Variants in AKAP6 observed in about 807,000 individuals in gnomAD.
AKAP6 encodes the protein A-kinase anchor protein 6.
In AKAP6, 58 loss-of-function variants were observed where a neutral mutation model predicts 188.5. The ratio of observed to expected loss-of-function variants is 0.31; its 90% CI spans 0.25 to 0.38. The LOEUF (loss-of-function observed/expected upper bound fraction) is 0.38, where lower values mean the gene tolerates loss of function less well. Ranked by LOEUF, AKAP6 falls within the 10% of genes least tolerant of loss-of-function variation. The pLI, the probability that AKAP6 is intolerant of heterozygous loss-of-function variation, is 1.00. For missense variants in AKAP6, 2,710 were observed against 2,740.0 expected (o/e 0.99, Z 0.24); for synonymous variants, 989 against 998.6 (o/e 0.99, Z 0.18).
At chr14:32,813,494 T>G (rs1358111483) in intron 12 of AKAP6, among the ~76,000 whole-genome samples, 1 of 145,994 alleles carries the variant, frequency 6.8e-6, no homozygotes, top group Non-Finnish European at 1.5e-5. Flanking sequence ...TGAGGCTATC[T>G]CAGGACCCTG....
chr14:32,552,239 C>A (rs73273444), intron 4 of AKAP6, among the ~76,000 whole-genome samples: 2,195 of 152,254 alleles, frequency 0.014, 54 homozygotes, highest in African/African-American at 0.05. Flanking sequence ...AGTTACAGAG[C>A]CAGGCTTCAG....
At chr14:32,372,194 G>A (rs1438146971) in intron 1 of AKAP6, among the ~76,000 whole-genome samples, 3 of 152,106 alleles carry the variant, frequency 2.0e-5, no homozygotes, top group Admixed American at 6.6e-5. Flanking sequence ...TGGGAACTGG[G>A]GAAGACTTGT....
At chr14:32,472,770 C>T (rs954794781) in intron 2 of AKAP6, among the ~76,000 whole-genome samples, 17 of 152,080 alleles carry the variant, frequency 1.1e-4, no homozygotes, top group African/African-American at 1.9e-4. Flanking sequence ...TGAAGAAAAT[C>T]GGTCTGGTCT....
rs186730937 is a variant in AKAP6 at position 32,685,656 on chromosome 14, G to A, written c.2879+7197G>A. On this transcript the variant is annotated intron_variant, in intron 8 of 13. Coordinates refer to ENST00000280979, the MANE Select transcript of AKAP6 (RefSeq NM_004274.5). ...GGAGAATGACATGAACCCTGGAGGC[G>A]GAGCTTGCAGTGAGCCAATATCCAT... 6.6e-5 allele frequency among the ~76,000 whole-genome samples: 10 copies of A among 150,700 alleles called. No individual in the cohort carries two copies. In the South Asian group the frequency reaches 1.3e-3, roughly 19 times the overall value.
Position 32,813,397 on chromosome 14 carries a change from C to A in AKAP6, c.3589-8005C>A, listed in dbSNP as rs372476459. On this transcript the variant is annotated intron_variant, in intron 12 of 13. Coordinates refer to ENST00000280979, the MANE Select transcript of AKAP6 (RefSeq NM_004274.5). ...TTTTCATCTCTAACCCTACCCCCCC[C>A]CCCAACCCCTTTCCCAGAGGTCCTT... Among the ~76,000 whole-genome samples the A allele has an allele frequency of 1.5e-4, 19 of 123,846 alleles. No homozygotes were observed. The South Asian group carries it at 1.9e-3, about 12-fold the overall frequency. 81.2% of individuals were successfully genotyped at this position (123,846 alleles called of 152,430 possible).
chr14:32,769,267 T>G (rs2300845), intron 11 of AKAP6, among the ~76,000 whole-genome samples: 1 of 151,140 alleles, frequency 6.6e-6, no homozygotes. Flanking sequence ...AGGCTGGTCT[T>G]GAACTCCTGA....
At chr14:32,674,509 G>C (rs992883789) in intron 7 of AKAP6, among the ~76,000 whole-genome samples, 1 of 152,136 alleles carries the variant, frequency 6.6e-6, no homozygotes, top group Non-Finnish European at 1.5e-5. Context: ...ACAACTTAGG[G>C]AATAACCTGC....
In AKAP6 at chr14:32,830,121, C is replaced by G. The variant is rs2034791065; in HGVS notation, c.*316C>G. ...ACCCTCTCTCTCCAGCTAGACTTTT[C>G]TCTTTGCCTCCTCCCTTCCCTTCCA... is the stretch of plus-strand genomic sequence containing the variant. On this transcript the variant is annotated 3_prime_UTR_variant, in exon 14 of 14. Transcript: ENST00000280979. The G allele has an allele frequency of 3.4e-6, 2 of 596,384 alleles. No homozygotes were observed. The highest frequency in any genetic ancestry group is 5.8e-5 in the East Asian group (2 of 34,208). 36.9% of individuals were successfully genotyped at this position (596,384 alleles called of 1,614,324 possible).
In AKAP6 at chr14:32,599,422, A is replaced by C; in HGVS notation, c.2482A>C (p.Asn828His). The C allele has an allele frequency of 6.2e-7, 1 of 1,612,694 alleles. No homozygotes were observed. Among genetic ancestry groups the C allele is most frequent in the Non-Finnish European group, 8.5e-7 (1 of 1,179,152 alleles). Residue 828 changes from asparagine to histidine, a missense_variant, in exon 6 of 14, where the codon AAT (asparagine) becomes CAT (histidine). This residue lies in a region of AKAP6 where 2,473 missense variants were observed against 2,426.1 expected (regional missense o/e 1.02). Coordinates refer to ENST00000280979, the MANE Select transcript of AKAP6 (RefSeq NM_004274.5). ...YLETHLSFKL[N>H]VDSHCALKEA... ...TTTTTCCTTGCAGAGTTTTAAGTTG[A>C]ATGTAGACAGTCATTGTGCTCTCAA... is the stretch of plus-strand genomic sequence containing the variant.
intron 4 of AKAP6, among the ~76,000 whole-genome samples, chr14:32,562,168 G>A (rs991735374): frequency 5.3e-5 from 8 of 151,832 alleles, no homozygotes; most frequent in Non-Finnish European, 1.0e-4. Flanking sequence ...TTACCTTCAT[G>A]TTTTGTCTAG....
chr14:32,663,820 C>T (rs1436169175), intron 7 of AKAP6, among the ~76,000 whole-genome samples: 16 of 152,146 alleles, frequency 1.1e-4, no homozygotes, highest in Admixed American at 1.0e-3. Flanking sequence ...AGGCTGAGGT[C>T]AGATCTTTCC....
intron 13 of AKAP6, among the ~76,000 whole-genome samples, chr14:32,826,359 C>T (rs2034673036): frequency 6.6e-6 from 1 of 152,174 alleles, no homozygotes; most frequent in South Asian, 2.1e-4. Context: ...ACCCTATAAT[C>T]ACATTCTCCA....
intron 9 of AKAP6, chr14:32,718,222 T>C (rs2030329473): frequency 1.1e-6 from 1 of 918,480 alleles, no homozygotes; most frequent in Non-Finnish European, 1.3e-6. Flanking sequence ...GAAGTAATAT[T>C]ACTAACTTTC....
intron 9 of AKAP6, among the ~76,000 whole-genome samples, chr14:32,708,447 A>C (rs1890905863): frequency 6.6e-6 from 1 of 151,872 alleles, no homozygotes; most frequent in South Asian, 2.1e-4. Flanking sequence ...GAGAGAGTAA[A>C]AGAGTGACTT....
chr14:32,815,275 C>T (rs2034348833), intron 12 of AKAP6, among the ~76,000 whole-genome samples: 1 of 152,258 alleles, frequency 6.6e-6, no homozygotes, highest in Admixed American at 6.5e-5. Context: ...AGAGCATTCA[C>T]TAGAACAGTT....
intron 2 of AKAP6, among the ~76,000 whole-genome samples, chr14:32,493,666 C>T (rs547861653): frequency 1.3e-5 from 2 of 152,296 alleles, no homozygotes; most frequent in African/African-American, 4.8e-5. Flanking sequence ...AACAATATCT[C>T]AGGAGACTGG....
intron 1 of AKAP6, among the ~76,000 whole-genome samples, chr14:32,365,688 A>C (rs181990825): frequency 6.6e-6 from 1 of 152,132 alleles, no homozygotes. Context: ...CTCCTGGTCA[A>C]TCTTTTTCCT....
Position 32,824,835 on chromosome 14 carries a change from C to A in AKAP6, c.*42+20C>A, listed in dbSNP as rs763589528. ...TGAAAGGTACGTATAGTCCTCATGC[C>A]GTATATGTATTTAAAATATTGAGTT... On this transcript the variant is annotated intron_variant, in intron 13 of 13. Transcript: ENST00000280979. 12 of 1,518,186 alleles carry A rather than the reference C, an allele frequency of 7.9e-6. No individual in the cohort carries two copies. The South Asian group carries it at 1.6e-4, about 20-fold the overall frequency. The allele number at this position is 1,518,186 out of a possible 1,614,324, so 94.0% of individuals were successfully genotyped here. A position where few individuals can be genotyped will look rare whatever the true frequency, so the allele number is the denominator to read the frequency against.
chr14:32,787,975 A>T (rs1450920545), intron 12 of AKAP6, among the ~76,000 whole-genome samples: 1 of 148,984 alleles, frequency 6.7e-6, no homozygotes, highest in Non-Finnish European at 1.5e-5. Flanking sequence ...CAGGAGTTCA[A>T]GGATGCAATG....
Sources: gnomAD v4.1 joint callset for allele counts (sites outside exome capture counted in the v4.1 genomes callset) on GRCh38, gnomAD v4.1.1 for gene constraint, gnomAD v4.1.1 regional missense constraint, MANE v1.5 for transcripts, NCBI Gene and HGNC (gene_info 2026-07-23, HGNC 2026-07-21) for gene names.